Variants in GBP7 observed in about 807,000 individuals in gnomAD.
GBP7 encodes the protein guanylate binding protein 7.
In GBP7, 43 loss-of-function variants were observed where a neutral mutation model predicts 61.3. That is an observed-to-expected ratio of 0.70 (90% confidence interval 0.55 to 0.91). The LOEUF is 0.91. Among genes scored for constraint, GBP7 ranks in the 40% least tolerant of loss-of-function variants. The pLI is 0.00. For synonymous variants in GBP7, 267 were observed against 271.0 expected (o/e 0.99, Z 0.14); for missense variants, 717 against 740.5 (o/e 0.97, Z 0.37).
intron 3 of GBP7, among the ~76,000 whole-genome samples, chr1:89,154,916 G>A (rs934586209): frequency 6.6e-6 from 1 of 152,064 alleles, no homozygotes. Flanking sequence ...GTGGGTCCCC[G>A]ACCCCCGAGT....
intron 2 of GBP7, among the ~76,000 whole-genome samples, chr1:89,168,964 C>T (rs897451987): frequency 9.3e-5 from 12 of 129,320 alleles, no homozygotes; most frequent in African/African-American, 2.8e-4. Context: ...AGCGAAACTC[C>T]GCCTCAAGTT....
rs148801412 is a variant in GBP7, at chr1:89,138,499, A to G, written c.1468+3047T>C. 5.7e-3 allele frequency among the ~76,000 whole-genome samples: 860 copies of G among 152,174 alleles called. 10 individuals are homozygous for G. Among genetic ancestry groups the G allele is most frequent in the African/African-American group, 0.019 (806 of 41,568 alleles). On this transcript the variant is annotated intron_variant, in intron 9 of 10. Transcript: ENST00000294671. ...AAAACAGACACATGAACAAATGGAA[A>G]AGTTTAAAGAAAGCAGAAATAATAC...
At chr1:89,150,676 G>A (rs185315517) in intron 5 of GBP7, 101 bp from the exon 6 acceptor site, 5 of 1,199,308 alleles carry the variant, frequency 4.2e-6, no homozygotes, top group Non-Finnish European at 6.0e-6. Context: ...ACAGTCTCTT[G>A]TGTCTGTGAA....
chr1:89,170,793 C>T (rs1647575488), intron 2 of GBP7, among the ~76,000 whole-genome samples: 3 of 152,256 alleles, frequency 2.0e-5, no homozygotes, highest in Middle Eastern at 3.4e-3. Context: ...CAAACTACAA[C>T]CTTGCGACAA....
chr1:89,142,082 T>G (rs1281834620), intron 8 of GBP7, among the ~76,000 whole-genome samples: 1 of 152,136 alleles, frequency 6.6e-6, no homozygotes, highest in East Asian at 1.9e-4. Flanking sequence ...TCTAGGCTAA[T>G]TATTTATTTA....
intron 1 of GBP7, among the ~76,000 whole-genome samples, chr1:89,174,091 C>T (rs562318817): frequency 2.6e-5 from 4 of 152,352 alleles, no homozygotes; most frequent in African/African-American, 9.6e-5. Context: ...ATCCTTTTAA[C>T]ATGTATCTAC....
intron 9 of GBP7, among the ~76,000 whole-genome samples, chr1:89,140,652 G>A (rs148296116): frequency 7.2e-4 from 110 of 152,184 alleles, no homozygotes; most frequent in African/African-American, 2.6e-3. Context: ...AGTTCTCAAA[G>A]AACTTAAAAC....
chr1:89,162,848 A>G (rs373065886), intron 3 of GBP7, among the ~76,000 whole-genome samples: 32 of 152,204 alleles, frequency 2.1e-4, no homozygotes, highest in African/African-American at 7.5e-4. Context: ...CCGGTTTTCA[A>G]GAGGAATGCT....
chr1:89,132,297 G>T lies in GBP7; in HGVS notation c.1769C>A (p.Pro590His). 1.2e-6 allele frequency: 2 copies of T among 1,613,808 alleles called. No homozygotes were observed. The highest frequency in any genetic ancestry group is 1.7e-6 in the Non-Finnish European group (2 of 1,179,922). ...ATCAAGAATCTGTGAAAACACTGAG[G>T]GCTCTTCATTTTCAGCTGCTTCAAT... is the stretch of plus-strand genomic sequence containing the variant. ...EQIEAAENEEPSVFSQILDVA... is the reference protein window; with the variant it reads ...EQIEAAENEEHSVFSQILDVA... Residue 590 changes from proline to histidine, a missense_variant, in exon 11 of 11, where the codon CCC becomes CAC. Coordinates refer to ENST00000294671, the MANE Select transcript of GBP7 (RefSeq NM_207398.3).
chr1:89,132,405 T>C lies in GBP7; in HGVS notation c.1663-2A>G, dbSNP rs1404968490. ...TTCAGTAAGCAGTTCTTCTAGGACC[T>C]ATAAAAGTAAAAGAGCCTACTTTTG... is the stretch of plus-strand genomic sequence containing the variant. On this transcript the variant is annotated splice_acceptor_variant, in intron 10 of 10. Coordinates refer to ENST00000294671, the MANE Select transcript of GBP7 (RefSeq NM_207398.3). LOFTEE classifies it high-confidence loss of function. 2 of 1,575,004 alleles carry C rather than the reference T, an allele frequency of 1.3e-6. No individual in the cohort carries two copies. The highest frequency in any genetic ancestry group is 2.0e-5 in the Admixed American group (1 of 49,456).
At chr1:89,172,730 T>C (rs1309980665) in intron 1 of GBP7, among the ~76,000 whole-genome samples, 1 of 151,674 alleles carries the variant, frequency 6.6e-6, no homozygotes. Context: ...AGAAACAGTT[T>C]GGAGACTATG....
chr1:89,147,629 A>G lies in GBP7; in HGVS notation c.1303T>C (p.Tyr435His), dbSNP rs908201823. 1 of 1,614,006 alleles carries G rather than the reference A, an allele frequency of 6.2e-7. No homozygotes were observed. The highest frequency in any genetic ancestry group is 1.3e-5 in the African/African-American group (1 of 74,904). Residue 435 changes from tyrosine to histidine, a missense_variant, in exon 8 of 11, where the codon TAC (tyrosine) becomes CAC (histidine). Physicochemically the swap from Tyr to His is moderately conservative, Grantham distance 83 (BLOSUM62 2). Transcript: ENST00000294671. Reference protein sequence around the residue: ...TFFVPGGHNIYLEAKKKIEQD... With the variant: ...TFFVPGGHNIHLEAKKKIEQD... ...TCAATCTTCTTTTTTGCTTCTAAGTAGATATTGTGCCCCCCCGGAACAAAG... is the reference window on the plus strand; with the variant it reads ...TCAATCTTCTTTTTTGCTTCTAAGTGGATATTGTGCCCCCCCGGAACAAAG...
At chr1:89,148,998 A>G (rs1045243848) in intron 7 of GBP7, among the ~76,000 whole-genome samples, 6 of 152,078 alleles carry the variant, frequency 3.9e-5, no homozygotes, top group African/African-American at 1.2e-4. Flanking sequence ...TCTAAATACT[A>G]TTCTCTAAGT....
chr1:89,155,145 G>A (rs538889702), intron 3 of GBP7, among the ~76,000 whole-genome samples: 2 of 152,336 alleles, frequency 1.3e-5, no homozygotes, highest in South Asian at 2.1e-4. Context: ...GGCCCTGACT[G>A]TTAGAAGGAA....
Position 89,141,537 on chromosome 1 carries a change from C to T in GBP7, c.1468+9G>A, listed in dbSNP as rs745511588. 3 of 1,612,140 alleles carry T rather than the reference C, an allele frequency of 1.9e-6. No homozygotes were observed. Among genetic ancestry groups the T allele is most frequent in the Admixed American group, 1.7e-5 (1 of 59,960 alleles). ...CCATTTGCCTGAGAGCTGAGCCCTG[C>T]CCCTGTACCTGCTATGGCCTTCTCT... is the stretch of plus-strand genomic sequence containing the variant. On this transcript the variant is annotated intron_variant, in intron 9 of 10. Transcript: ENST00000294671.
At chr1:89,161,283 A>G (rs766507672) in intron 3 of GBP7, among the ~76,000 whole-genome samples, 51 of 152,194 alleles carry the variant, frequency 3.4e-4, no homozygotes, top group Non-Finnish European at 6.0e-4. Flanking sequence ...CTTTGGGTAC[A>G]TACCCAGTAA....
chr1:89,175,500 G>T (rs1177126555), intron 1 of GBP7, among the ~76,000 whole-genome samples: 2 of 152,152 alleles, frequency 1.3e-5, no homozygotes, highest in African/African-American at 4.8e-5. Context: ...GCTCAGAAAG[G>T]TGGTGGCACA....
At chr1:89,158,204 T>C (rs999818352) in intron 3 of GBP7, among the ~76,000 whole-genome samples, 2 of 152,128 alleles carry the variant, frequency 1.3e-5, no homozygotes, top group African/African-American at 2.4e-5. Context: ...GTTGATGGGA[T>C]GTATTTCAAA....
chr1:89,141,004 A>C (rs1431616059), intron 9 of GBP7, among the ~76,000 whole-genome samples: 1 of 152,190 alleles, frequency 6.6e-6, no homozygotes, highest in Non-Finnish European at 1.5e-5. Flanking sequence ...TATTGAGTAC[A>C]CATGGACACA....
Sources: gnomAD v4.1 joint callset for allele counts (sites outside exome capture counted in the v4.1 genomes callset) on GRCh38, gnomAD v4.1.1 for gene constraint, MANE v1.5 for transcripts, NCBI Gene and HGNC (gene_info 2026-07-23, HGNC 2026-07-21) for gene names.